The following HPS5 variants were observed in gnomAD, a reference collection of about 807,000 sequenced individuals.
HPS5 encodes BLOC-2 complex member HPS5.
In HPS5, 83 loss-of-function variants were observed where a neutral mutation model predicts 128.0. The ratio of observed to expected loss-of-function variants is 0.65; its 90% CI spans 0.54 to 0.78. The LOEUF is 0.78. Ranked by LOEUF, HPS5 falls within the 30% of genes least tolerant of loss-of-function variation. HPS5 has a pLI of 0.00. For synonymous variants in HPS5, 475 were observed against 470.2 expected, an observed-to-expected ratio of 1.01 and a Z score of -0.13; for missense variants, 1,281 against 1,326.2, an observed-to-expected ratio of 0.97 and a Z score of 0.53.
chr11:18,304,216 CT>C (rs778919142), intron 8 of HPS5, among the ~76,000 whole-genome samples: 219 of 135,504 alleles, frequency 1.6e-3, no homozygotes, highest in South Asian at 3.1e-3. Flanking sequence ...CTATAATTCA[CT>C]TTTTTTTTTT....
At chr11:18,287,160 C>A (rs1291533528) in intron 18 of HPS5, among the ~76,000 whole-genome samples, 1 of 152,088 alleles carries the variant, frequency 6.6e-6, no homozygotes, top group African/African-American at 2.4e-5. Context: ...CATGGGGAGA[C>A]AGAAAATCAG....
At chr11:18,309,285 A>G (rs528674800) in intron 5 of HPS5, among the ~76,000 whole-genome samples, 25 of 152,342 alleles carry the variant, frequency 1.6e-4, no homozygotes, top group Middle Eastern at 3.4e-3. Flanking sequence ...TGCAGAAGAG[A>G]TTTCTCAAGG....
intron 7 of HPS5, among the ~76,000 whole-genome samples, chr11:18,305,727 A>C (rs1252647839): frequency 7.0e-6 from 1 of 143,080 alleles, no homozygotes; most frequent in Non-Finnish European, 1.5e-5. Context: ...AAGATAGAAT[A>C]AAATCTTTTT....
At chr11:18,311,260 C>T in intron 4 of HPS5, 127 bp downstream of exon 4, 1 of 719,568 alleles carries the variant, frequency 1.4e-6, no homozygotes, top group South Asian at 1.6e-5. Flanking sequence ...TCCTGAGACA[C>T]AGGAGTTTCA....
chr11:18,312,012 C>A lies in HPS5; in HGVS notation c.121G>T (p.Ala41Ser), dbSNP rs1863078848. Reference protein sequence around the residue: ...DSSRLKCTSIAVSRKWLALGS... With the variant: ...DSSRLKCTSISVSRKWLALGS... The stretch of plus-strand genomic sequence containing the variant: ...AAAGCCAACCATTTCCGAGACACAG[C>A]TATGCTCGTGCACTAAAAACATGTG... Residue 41 changes from alanine (A) to serine (S), a missense_variant, in exon 3 of 23, where the codon GCT becomes TCT. Transcript: ENST00000349215. The A allele has an allele frequency of 6.2e-7, 1 of 1,613,220 alleles. No homozygotes were observed. Among genetic ancestry groups the A allele is most frequent in the South Asian group, 1.1e-5 (1 of 91,070 alleles).
rs1339035485 is a variant in HPS5 at position 18,278,733 on chromosome 11, ACCT to A, written c.*1146_*1148del. 7 of 152,078 alleles carry A rather than the reference ACCT, an allele frequency of 4.6e-5. No homozygotes were observed. The East Asian group carries it at 1.2e-3, about 25-fold the overall frequency. 9.4% of individuals were successfully genotyped at this position (152,078 alleles called of 1,614,324 possible). A position where few individuals can be genotyped will look rare whatever the true frequency, so the allele number is the denominator to read the frequency against. ...CCTTTCTGCAAAATGCTCATAATAA[ACCT>A]CCTGTCTACATTGTGTTCCAATGAA... On this transcript the variant is annotated 3_prime_UTR_variant, in exon 23 of 23. Transcript: ENST00000349215.
chr11:18,286,528 T>A, intron 19 of HPS5, 63 bp downstream of exon 19: 6 of 1,500,354 alleles, frequency 4.0e-6, no homozygotes, highest in Admixed American at 1.9e-5. Context: ...GGCGACAGAG[T>A]GAGATCCTGT....
At chr11:18,305,330 A>C (rs972656650) in intron 8 of HPS5, 92 bp downstream of exon 8, 6 of 829,394 alleles carry the variant, frequency 7.2e-6, no homozygotes, top group Non-Finnish European at 1.2e-5. Flanking sequence ...TAGTGCAAAA[A>C]TAACCTTAAA....
chr11:18,296,102 C>T lies in HPS5; in HGVS notation c.1531G>A (p.Val511Met). ...GNEDNVSHAP[V>M]MFETDKNETF... Reference sequence around the variant, plus strand: ...TCATTCTTATCTGTCTCAAACATCACTGGAGCATGAGAAACATTGTCTAAT... The same window carrying T: ...TCATTCTTATCTGTCTCAAACATCATTGGAGCATGAGAAACATTGTCTAAT... The change falls in exon 13 of 23, where the codon GTG becomes ATG. Residue 511 changes from valine to methionine, a missense_variant. By Grantham distance (21) the Val-to-Met change is conservative. Coordinates refer to ENST00000349215, the MANE Select transcript of HPS5 (RefSeq NM_181507.2). The T allele has an allele frequency of 6.2e-7, 1 of 1,613,284 alleles. No individual in the cohort carries two copies.
rs200323483 is a variant in HPS5, at chr11:18,296,052, T to C, written c.1581A>G (p.Pro527=). The C allele has an allele frequency of 5.6e-6, 9 of 1,613,508 alleles. No individual in the cohort carries two copies. Among genetic ancestry groups the C allele is most frequent in the Admixed American group, 1.7e-5 (1 of 60,016 alleles). Residue 527 remains proline, a synonymous_variant, in exon 13 of 23, where the codon CCA becomes CCG. Coordinates refer to ENST00000349215, the MANE Select transcript of HPS5 (RefSeq NM_181507.2). Reference sequence around the variant, plus strand: ...GAGGAGATGGAGAACGAAATGGTAATGGAATGCCGAACGGGAGAAAAGTTT... The same window carrying C: ...GAGGAGATGGAGAACGAAATGGTAACGGAATGCCGAACGGGAGAAAAGTTT... ...KNETFLPFGI[P]LPFRSPSPLV...
At chr11:18,287,750 A>T in intron 17 of HPS5, 60 bp from the exon 18 acceptor site, 1 of 1,597,694 alleles carries the variant, frequency 6.3e-7, no homozygotes, top group Non-Finnish European at 8.6e-7. Flanking sequence ...TAACTTGGTT[A>T]CATTTAGGTT....
intron 2 of HPS5, 143 bp downstream of exon 2, chr11:18,317,605 TTTC>T: frequency 3.7e-6 from 3 of 806,888 alleles, no homozygotes; most frequent in South Asian, 3.3e-5. Flanking sequence ...AAAAGTTTAT[TTTC>T]TTCTTTTTTT....
chr11:18,306,602 G>A (rs1306724213), intron 6 of HPS5, among the ~76,000 whole-genome samples: 1 of 152,128 alleles, frequency 6.6e-6, no homozygotes, highest in Non-Finnish European at 1.5e-5. Context: ...CAGAATAAGA[G>A]GCTCAGAATT....
intron 4 of HPS5, 107 bp from the exon 5 acceptor site, chr11:18,311,040 C>T: frequency 2.4e-6 from 2 of 829,032 alleles, no homozygotes; most frequent in South Asian, 1.4e-5. Context: ...TCTTGTTCTT[C>T]AGAAAAGAGG....
At chr11:18,309,110 T>C (rs1862683889) in intron 5 of HPS5, 31 bp from the exon 6 acceptor site, 1 of 1,602,242 alleles carries the variant, frequency 6.2e-7, no homozygotes, top group East Asian at 2.2e-5. Context: ...AAATAAAGTT[T>C]ATTTAATCAT....
intron 8 of HPS5, among the ~76,000 whole-genome samples, chr11:18,303,738 C>T (rs1358187157): frequency 6.6e-6 from 1 of 151,972 alleles, no homozygotes; most frequent in African/African-American, 2.4e-5. Context: ...CTGTGAGTCC[C>T]AGCTACTTGG....
At chr11:18,286,990 G>C (rs1468159837) in intron 18 of HPS5, 3 of 599,016 alleles carry the variant, frequency 5.0e-6, no homozygotes, top group Non-Finnish European at 8.8e-6. Context: ...GAAGATCACT[G>C]AGGCCATAAG....
chr11:18,283,735 G>A, intron 21 of HPS5, 60 bp downstream of exon 21: 1 of 1,186,864 alleles, frequency 8.4e-7, no homozygotes, highest in Non-Finnish European at 1.3e-6. Flanking sequence ...TTTTTGTTGA[G>A]AGGTCTGGAG....
chr11:18,321,455 A>C (rs1214494507), intron 1 of HPS5, among the ~76,000 whole-genome samples: 1 of 152,252 alleles, frequency 6.6e-6, no homozygotes, highest in Non-Finnish European at 1.5e-5. Context: ...GAAGTTGGCG[A>C]CAAATGCTTA....
Sources: allele counts gnomAD v4.1 joint callset (sites outside exome capture counted in the v4.1 genomes callset), GRCh38; gene constraint gnomAD v4.1.1; transcripts MANE v1.5; gene names NCBI Gene and HGNC (gene_info 2026-07-23, HGNC 2026-07-21).